PLEKHA7: variants seen among roughly 807,000 people sequenced by gnomAD.
PLEKHA7 encodes the protein pleckstrin homology domain containing A7.
PLEKHA7 carries 104 observed loss-of-function variants against 170.0 expected under a neutral mutation model. That is an observed-to-expected ratio of 0.61 (90% CI 0.52 to 0.72). The LOEUF (loss-of-function observed/expected upper bound fraction) is 0.72. Among genes scored for constraint, PLEKHA7 ranks in the 30% least tolerant of loss-of-function variants. The probability of loss-of-function intolerance (pLI) is 0.00; values close to 1 mark genes in which losing one functional copy is unlikely to be tolerated. For synonymous variants in PLEKHA7, 648 were observed against 660.8 expected (o/e 0.98, Z 0.30); for missense variants, 1,615 against 1,671.7 (o/e 0.97, Z 0.59).
intron 8 of PLEKHA7, among the ~76,000 whole-genome samples, chr11:16,847,140 A>C (rs1014158057): frequency 1.5e-4 from 18 of 118,976 alleles, no homozygotes; most frequent in Admixed American, 5.1e-4. Context: ...TCTGTCGCCC[A>C]GGCTGGAGTG....
intron 8 of PLEKHA7, among the ~76,000 whole-genome samples, chr11:16,850,571 A>G (rs1011045583): frequency 1.3e-5 from 2 of 152,156 alleles, no homozygotes; most frequent in African/African-American, 4.8e-5. Context: ...GAGCCTCCAC[A>G]CTGGACCTCA....
chr11:16,837,888 T>C (rs1437972982), intron 9 of PLEKHA7, among the ~76,000 whole-genome samples: 1 of 151,938 alleles, frequency 6.6e-6, no homozygotes. Flanking sequence ...TACTCTCCTG[T>C]AGTTGAGCTC....
chr11:16,990,383 G>T (rs1018917633), intron 3 of PLEKHA7, among the ~76,000 whole-genome samples: 1 of 151,060 alleles, frequency 6.6e-6, no homozygotes, highest in Non-Finnish European at 1.5e-5. Flanking sequence ...AAAACCATCC[G>T]GGCTCCACCT....
chr11:16,899,057 C>T (rs72864100), intron 3 of PLEKHA7, among the ~76,000 whole-genome samples: 25,372 of 152,040 alleles, frequency 0.17, 2,625 homozygotes, highest in Non-Finnish European at 0.24. Flanking sequence ...GGGTTTTTTG[C>T]GAATCTTTGC....
chr11:16,790,902 G>T lies in PLEKHA7; in HGVS notation c.2948C>A (p.Ser983Ter). The T allele has an allele frequency of 6.2e-7, 1 of 1,613,228 alleles. No homozygotes were observed. The highest frequency in any genetic ancestry group is 1.1e-5 in the South Asian group (1 of 90,958). Residue 983 changes from serine to a stop codon, truncating the protein, a stop_gained, in exon 21 of 27, where the codon TCG becomes TAG. Coordinates refer to ENST00000531066, the MANE Select transcript of PLEKHA7 (RefSeq NM_001329630.2). LOFTEE classifies it high-confidence loss of function. ...CGCCAGCTCAGGCTCACTGACATAC[G>T]ACCGCAGCTCCACCTGTGGGCAGAG... ...VNGDSRVELR[S>*]YVSEPELATL...
chr11:16,908,443 C>A (rs1858012559), intron 3 of PLEKHA7, among the ~76,000 whole-genome samples: 1 of 151,872 alleles, frequency 6.6e-6, no homozygotes, highest in Non-Finnish European at 1.5e-5. Flanking sequence ...GGAACCAAAC[C>A]TGCCGACCCC....
intron 8 of PLEKHA7, among the ~76,000 whole-genome samples, chr11:16,844,196 T>C (rs1852202378): frequency 6.6e-6 from 1 of 152,206 alleles, no homozygotes; most frequent in South Asian, 2.1e-4. Flanking sequence ...GAGCCAGCCT[T>C]GTCCAGGAAA....
intron 3 of PLEKHA7, among the ~76,000 whole-genome samples, chr11:16,890,777 T>C (rs566594579): frequency 1.3e-5 from 2 of 152,340 alleles, no homozygotes; most frequent in South Asian, 2.1e-4. Flanking sequence ...AAAAAAATCA[T>C]ACATTGTTTT....
chr11:16,989,030 C>G (rs1037946472), intron 3 of PLEKHA7, among the ~76,000 whole-genome samples: 3 of 152,238 alleles, frequency 2.0e-5, no homozygotes, highest in African/African-American at 7.2e-5. Flanking sequence ...CAAATAGCCA[C>G]ATCTTCCTCA....
At chr11:16,838,396 C>T (rs1380296888) in intron 9 of PLEKHA7, among the ~76,000 whole-genome samples, 2 of 151,688 alleles carry the variant, frequency 1.3e-5, no homozygotes, top group African/African-American at 2.4e-5. Flanking sequence ...AGCTGAGGTC[C>T]CAGCTACTAG....
In PLEKHA7 at chr11:16,786,325, CTTT is replaced by C. The variant is rs1564903188; in HGVS notation, c.3417_3419del (p.Lys1140del). On this transcript the variant is annotated inframe_deletion, in exon 24 of 27. Transcript: ENST00000531066. Reference sequence around the variant, plus strand: ...TCAACCAGCCATTCTCCTCCTTGTCCTTTTTTTCCCCTTGCACGACCCGTTCCA... The same window carrying C: ...TCAACCAGCCATTCTCCTCCTTGTCCTTTTCCCCTTGCACGACCCGTTCCA... 1.3e-6 allele frequency: 2 copies of C among 1,536,154 alleles called. No individual in the cohort carries two copies. The highest frequency in any genetic ancestry group is 1.2e-5 in the South Asian group (1 of 84,066).
chr11:16,984,985 C>T (rs746094933), intron 3 of PLEKHA7, among the ~76,000 whole-genome samples: 4 of 152,242 alleles, frequency 2.6e-5, no homozygotes, highest in African/African-American at 4.8e-5. Flanking sequence ...TGACAGCCCC[C>T]TTAACTCTGT....
intron 3 of PLEKHA7, among the ~76,000 whole-genome samples, chr11:16,982,470 G>T (rs1863486804): frequency 6.6e-6 from 1 of 152,250 alleles, no homozygotes; most frequent in East Asian, 1.9e-4. Context: ...AGGGTGACTA[G>T]CACATTCAAA....
intron 3 of PLEKHA7, among the ~76,000 whole-genome samples, chr11:16,995,483 G>A (rs1178605884): frequency 1.3e-5 from 2 of 152,112 alleles, no homozygotes; most frequent in Non-Finnish European, 2.9e-5. Flanking sequence ...CAAGTCTTCT[G>A]AGACTCATCC....
At chr11:16,872,193 C>T (rs1003820495) in intron 3 of PLEKHA7, among the ~76,000 whole-genome samples, 3 of 151,916 alleles carry the variant, frequency 2.0e-5, no homozygotes, top group African/African-American at 7.3e-5. Flanking sequence ...GGTCTCAAAT[C>T]TCTGACCTCA....
chr11:16,778,000 T>G lies in PLEKHA7; in HGVS notation c.*998A>C, dbSNP rs937085177. The G allele has an allele frequency of 6.6e-6, 1 of 152,262 alleles. No individual in the cohort carries two copies. The highest frequency in any genetic ancestry group is 1.5e-5 in the Non-Finnish European group (1 of 68,056). The allele number at this position is 152,262 out of a possible 1,614,324, so 9.4% of individuals were successfully genotyped here. On this transcript the variant is annotated 3_prime_UTR_variant, in exon 27 of 27. Transcript: ENST00000531066. ...AAAAATGAAAGCAGGCTGGGCGTGG[T>G]GGCTCACGGCTGTAATCCCAACACT...
chr11:16,827,515 G>A (rs1342947617), intron 9 of PLEKHA7, among the ~76,000 whole-genome samples: 2 of 152,174 alleles, frequency 1.3e-5, no homozygotes, highest in Admixed American at 6.5e-5. Context: ...AAGCTATAAA[G>A]GAGAATGGGG....
chr11:16,940,284 T>TG (rs201045806), intron 3 of PLEKHA7, among the ~76,000 whole-genome samples: 1,433 of 61,732 alleles, frequency 0.023, 48 homozygotes, highest in South Asian at 0.088. Flanking sequence ...TTCTGCTGTT[T>TG]TTTTTTTTTT....
chr11:16,839,289 T>C (rs1400520333), intron 9 of PLEKHA7, among the ~76,000 whole-genome samples: 1 of 151,998 alleles, frequency 6.6e-6, no homozygotes, highest in South Asian at 2.1e-4. Context: ...CGTATATAAA[T>C]GCATAGAAAA....
Sources: gnomAD v4.1 joint callset for allele counts (sites outside exome capture counted in the v4.1 genomes callset) on GRCh38, gnomAD v4.1.1 for gene constraint, MANE v1.5 for transcripts, NCBI Gene and HGNC (gene_info 2026-07-23, HGNC 2026-07-21) for gene names.